DSC1: variants seen among roughly 807,000 people sequenced by gnomAD.
DSC1 encodes desmocollin 1.
In DSC1, 79 loss-of-function variants were observed where a neutral mutation model predicts 98.8. The observed-to-expected ratio is 0.80, with a 90% CI of 0.67 to 0.96. DSC1 has a LOEUF of 0.96. DSC1 is among the 50% of genes least tolerant of loss of function. The probability of loss-of-function intolerance (pLI) is 0.00; values close to 1 mark genes in which losing one functional copy is unlikely to be tolerated. For missense variants in DSC1, 1,115 were observed against 1,075.9 expected (o/e 1.04, Z -0.51); for synonymous variants, 405 against 372.1 (o/e 1.09, Z -1.02).
chr18:31,161,766 G>C (rs932051568), intron 1 of DSC1, among the ~76,000 whole-genome samples: 3 of 152,100 alleles, frequency 2.0e-5, no homozygotes, highest in Non-Finnish European at 4.4e-5. Flanking sequence ...AGGATGAGAA[G>C]GTGACCATCA....
intron 11 of DSC1, among the ~76,000 whole-genome samples, chr18:31,136,070 G>A (rs1988602812): frequency 6.6e-6 from 1 of 151,764 alleles, no homozygotes; most frequent in Admixed American, 6.6e-5. Context: ...TACTATTTAT[G>A]CCTATTTTAA....
chr18:31,138,907 G>A (rs1283024676), intron 11 of DSC1, among the ~76,000 whole-genome samples: 1 of 151,912 alleles, frequency 6.6e-6, no homozygotes, highest in Non-Finnish European at 1.5e-5. Flanking sequence ...ATTATTTATG[G>A]CAATTTGCCA....
intron 4 of DSC1, among the ~76,000 whole-genome samples, chr18:31,155,758 G>A (rs1318020084): frequency 1.3e-5 from 2 of 152,160 alleles, no homozygotes; most frequent in Non-Finnish European, 2.9e-5. Flanking sequence ...CTGTACATTA[G>A]TGTTAACAAG....
chr18:31,152,736 C>G (rs1989025225), intron 5 of DSC1, among the ~76,000 whole-genome samples: 2 of 152,180 alleles, frequency 1.3e-5, no homozygotes, highest in South Asian at 4.1e-4. Flanking sequence ...GGAACAGATA[C>G]TTAGGATCTA....
intron 3 of DSC1, among the ~76,000 whole-genome samples, chr18:31,156,942 G>C (rs1373033652): frequency 1.3e-5 from 2 of 152,176 alleles, no homozygotes; most frequent in African/African-American, 4.8e-5. Context: ...ATGGGAGTAA[G>C]CTTTAAACAG....
intron 11 of DSC1, among the ~76,000 whole-genome samples, chr18:31,137,624 T>A (rs973670845): frequency 6.6e-6 from 1 of 152,152 alleles, no homozygotes; most frequent in African/African-American, 2.4e-5. Context: ...AGAATATACA[T>A]GAGAAACAAT....
In DSC1 at chr18:31,148,507, A is replaced by G; in HGVS notation, c.763T>C (p.Cys255Arg). Residue 255 changes from cysteine (C) to arginine (R), a missense_variant, in exon 6 of 16, where the codon TGC becomes CGC. Transcript: ENST00000257198. ...TAAAATGTGAACTTACCGGATCGGCAATTTTCAGGCACAGTAAAGATAGTC... is the reference window on the plus strand; with the variant it reads ...TAAAATGTGAACTTACCGGATCGGCGATTTTCAGGCACAGTAAAGATAGTC... ...RVTIFTVPENCRSGTSVGKVT... is the reference protein window; with the variant it reads ...RVTIFTVPENRRSGTSVGKVT... 6.3e-7 allele frequency: 1 copy of G among 1,597,106 alleles called. No homozygotes were observed. Among genetic ancestry groups the G allele is most frequent in the Non-Finnish European group, 8.6e-7 (1 of 1,168,162 alleles).
At chr18:31,141,871 T>C (rs928940467) in intron 9 of DSC1, 128 bp downstream of exon 9, 17 of 889,320 alleles carry the variant, frequency 1.9e-5, no homozygotes, top group African/African-American at 3.5e-5. Flanking sequence ...AAAGTTTATA[T>C]AAACCAATAT....
chr18:31,140,334 T>C (rs1031117749), intron 9 of DSC1, 33 bp from the exon 10 acceptor site: 2 of 1,575,580 alleles, frequency 1.3e-6, no homozygotes, highest in Non-Finnish European at 8.6e-7. Context: ...TAAGTCAATA[T>C]ATAACATTAT....
intron 11 of DSC1, among the ~76,000 whole-genome samples, chr18:31,137,965 ATGTGTGTGTG>A (rs201493651): frequency 0.016 from 2,201 of 141,600 alleles, 30 homozygotes; most frequent in African/African-American, 0.03. Flanking sequence ...TCAGAGCAAA[ATGTGTGTGTG>A]TGTGTGTGTG....
Position 31,145,765 on chromosome 18 carries a change from C to A in DSC1, c.785G>T (p.Gly262Val). ...GTCAAGGTCTGTGGCGGTCACTTTT[C>A]CCACTGAAGTTCCTGTTTAGATAAA... is the stretch of plus-strand genomic sequence containing the variant. ...PENCRSGTSV[G>V]KVTATDLDEP... The change falls in exon 7 of 16, where the codon GGA becomes GTA. Residue 262 changes from glycine to valine, a missense_variant. Coordinates refer to ENST00000257198, the MANE Select transcript of DSC1 (RefSeq NM_024421.2). The A allele has an allele frequency of 6.2e-7, 1 of 1,613,184 alleles. No individual in the cohort carries two copies.
Position 31,142,071 on chromosome 18 carries a change from T to C in DSC1, c.1188A>G (p.Gln396=), listed in dbSNP as rs115620433. 165 of 1,613,200 alleles carry C rather than the reference T, an allele frequency of 1.0e-4. 1 individual carries two copies. In the African/African-American group the frequency reaches 2.0e-3, roughly 20 times the overall value. ...TTATGAAGTTTCCATTTTCATTTCC[T>C]TGTAGGATTTTGTATACAGCCTTTG... ...PHSKAVYKIL[Q]GNENGNFIIS... The change falls in exon 9 of 16, where the codon CAA becomes CAG. Residue 396 remains glutamine (Q), a synonymous_variant. Coordinates refer to ENST00000257198, the MANE Select transcript of DSC1 (RefSeq NM_024421.2).
In DSC1 at chr18:31,147,153, AT is replaced by A. The variant is rs56408436; in HGVS notation, c.772+1344del. On this transcript the variant is annotated intron_variant, in intron 6 of 15. Transcript: ENST00000257198. Reference sequence around the variant, plus strand: ...CTGCACATAGCATCAAATCAGTTTAATTTTTTTTTTCATTTTGTTTGGAAGA... The same window carrying A: ...CTGCACATAGCATCAAATCAGTTTAATTTTTTTTTCATTTTGTTTGGAAGA... 5.3e-5 allele frequency among the ~76,000 whole-genome samples: 8 copies of A among 150,566 alleles called. No homozygotes were observed. The East Asian group carries it at 5.9e-4, about 11-fold the overall frequency.
chr18:31,141,508 G>A (rs1988734177), intron 9 of DSC1, among the ~76,000 whole-genome samples: 1 of 152,136 alleles, frequency 6.6e-6, no homozygotes, highest in African/African-American at 2.4e-5. Flanking sequence ...CCAAAGCAAT[G>A]GCTACCTGGA....
chr18:31,142,661 A>G (rs1423429382), intron 8 of DSC1, among the ~76,000 whole-genome samples: 1 of 131,950 alleles, frequency 7.6e-6, no homozygotes, highest in Non-Finnish European at 1.7e-5. Flanking sequence ...AACCTTTAGC[A>G]GAAAAGTTTT....
intron 8 of DSC1, among the ~76,000 whole-genome samples, chr18:31,143,250 C>T (rs1250102763): frequency 6.6e-6 from 1 of 151,772 alleles, no homozygotes; most frequent in Non-Finnish European, 1.5e-5. Flanking sequence ...CTACTGTCTC[C>T]GTAGGCTAGT....
At chr18:31,150,384 C>CACTAT (rs1568002906) in intron 5 of DSC1, among the ~76,000 whole-genome samples, 5 of 8,040 alleles carry the variant, frequency 6.2e-4, no homozygotes, top group African/African-American at 1.2e-3. Flanking sequence ...ATCATCACCA[C>CACTAT]CATCACCACC....
Position 31,131,584 on chromosome 18 carries a change from T to C in DSC1, c.2487+10A>G, listed in dbSNP as rs535797464. On this transcript the variant is annotated intron_variant, in intron 15 of 15. Coordinates refer to ENST00000257198, the MANE Select transcript of DSC1 (RefSeq NM_024421.2). ...CCATGTAATATGACCTCAAAGACAG[T>C]GGAACTTACTTCGCCAAGCCGAGGT... 36 of 1,613,910 alleles carry C rather than the reference T, an allele frequency of 2.2e-5. No homozygotes were observed. The South Asian group carries it at 3.1e-4, about 14-fold the overall frequency.
At chr18:31,156,467 G>A (rs1989100503) in intron 3 of DSC1, among the ~76,000 whole-genome samples, 1 of 152,094 alleles carries the variant, frequency 6.6e-6, no homozygotes, top group African/African-American at 2.4e-5. Flanking sequence ...AAATATTTAA[G>A]GATCAACTTT....
Sources: allele counts gnomAD v4.1 joint callset (sites outside exome capture counted in the v4.1 genomes callset), GRCh38; gene constraint gnomAD v4.1.1; transcripts MANE v1.5; gene names NCBI Gene and HGNC (gene_info 2026-07-23, HGNC 2026-07-21).